The following FRAS1 variants were observed in gnomAD, a reference collection of about 807,000 sequenced individuals.
The protein encoded by FRAS1 is Fraser extracellular matrix complex subunit 1.
In FRAS1, 290 loss-of-function variants were observed where a neutral mutation model predicts 435.2. The observed-to-expected ratio is 0.67, with a 90% CI of 0.61 to 0.73. FRAS1 has a LOEUF of 0.73. FRAS1 is among the 30% of genes least tolerant of loss of function. FRAS1 has a pLI of 0.00. For synonymous variants in FRAS1, 1,800 were observed against 1,851.0 expected (o/e 0.97, Z 0.71); for missense variants, 4,860 against 5,001.5 (o/e 0.97, Z 0.85).
At chr4:78,371,349 A>G (rs943368950) in intron 23 of FRAS1, among the ~76,000 whole-genome samples, 1 of 152,174 alleles carries the variant, frequency 6.6e-6, no homozygotes. Flanking sequence ...CAAGGAAGAG[A>G]AAAGGTAACT....
At chr4:78,341,490 C>T (rs448353) in intron 20 of FRAS1, among the ~76,000 whole-genome samples, 26,974 of 152,110 alleles carry the variant, frequency 0.18, 3,263 homozygotes, top group African/African-American at 0.35. Flanking sequence ...GAGAAATCCT[C>T]TAATGAGAAC....
intron 3 of FRAS1, among the ~76,000 whole-genome samples, chr4:78,242,502 C>T (rs1725047061): frequency 6.6e-6 from 1 of 152,212 alleles, no homozygotes; most frequent in African/African-American, 2.4e-5. Flanking sequence ...GTGGTGTGAT[C>T]TCTGCTCACT....
rs774103279 is a variant in FRAS1 at position 78,508,931 on chromosome 4, C to G, written c.9705C>G (p.Pro3235=). ...AGTTCAGCTGGGAAGTGGCTGCCCC[C>G]ACTGATGGCAATGGGGCCCGGTCTC... The part of the protein sequence containing the change: ...SVQFSWEVAA[P]TDGNGARSPF... Residue 3235 remains proline (P), a synonymous_variant, in exon 63 of 74, where the codon CCC becomes CCG. Coordinates refer to ENST00000512123, the MANE Select transcript of FRAS1 (RefSeq NM_025074.7). 3 of 1,613,944 alleles carry G rather than the reference C, an allele frequency of 1.9e-6. No individual in the cohort carries two copies. Among genetic ancestry groups the G allele is most frequent in the Non-Finnish European group, 2.5e-6 (3 of 1,179,876 alleles).
Position 78,400,901 on chromosome 4 carries a change from C to A in FRAS1, c.4129+14C>A. 6.2e-7 allele frequency: 1 copy of A among 1,612,744 alleles called. No individual in the cohort carries two copies. The highest frequency in any genetic ancestry group is 8.5e-7 in the Non-Finnish European group (1 of 1,179,306). On this transcript the variant is annotated intron_variant, in intron 30 of 73. Coordinates refer to ENST00000512123, the MANE Select transcript of FRAS1 (RefSeq NM_025074.7). ...ACCCCCAGTTTGGTAACTATTTTTT[C>A]CTTTGGCGTGGTTTCATCGTTGCAT... is the stretch of plus-strand genomic sequence containing the variant.
At chr4:78,096,808 G>A (rs1015062271) in intron 2 of FRAS1, among the ~76,000 whole-genome samples, 2 of 152,222 alleles carry the variant, frequency 1.3e-5, no homozygotes, top group Admixed American at 6.5e-5. Context: ...GTGATGGAAG[G>A]GGCTGCTGTG....
chr4:78,361,496 A>G (rs577112182), intron 20 of FRAS1, among the ~76,000 whole-genome samples: 2 of 152,332 alleles, frequency 1.3e-5, no homozygotes, highest in South Asian at 4.1e-4. Flanking sequence ...AACAATCAGC[A>G]TTTTTGAGGC....
At chr4:78,344,412 C>T (rs575823624) in intron 20 of FRAS1, among the ~76,000 whole-genome samples, 2 of 151,860 alleles carry the variant, frequency 1.3e-5, no homozygotes, top group East Asian at 3.9e-4. Context: ...GGTTAAGTAC[C>T]GACTCCAAAT....
chr4:78,182,657 C>T (rs1284950765), intron 2 of FRAS1, among the ~76,000 whole-genome samples: 1 of 151,962 alleles, frequency 6.6e-6, no homozygotes, highest in Non-Finnish European at 1.5e-5. Flanking sequence ...GCAGGCGGAT[C>T]ATTTGAGGTT....
At chr4:78,269,592 G>A (rs1051963140) in intron 9 of FRAS1, among the ~76,000 whole-genome samples, 2 of 152,224 alleles carry the variant, frequency 1.3e-5, no homozygotes, top group South Asian at 2.1e-4. Flanking sequence ...GTTCTGAATA[G>A]CATTAAAATC....
chr4:78,344,463 A>AGAATGTGATTCCAGACTCTG (rs1730521384), intron 20 of FRAS1, among the ~76,000 whole-genome samples: 7 of 150,264 alleles, frequency 4.7e-5, no homozygotes, highest in Non-Finnish European at 8.8e-5. Context: ...TTGAACCCAG[A>AGAATGTGATTCCAGACTCTG]GAATGTGATT....
intron 70 of FRAS1, among the ~76,000 whole-genome samples, chr4:78,530,229 C>T (rs1298461545): frequency 2.0e-5 from 3 of 151,618 alleles, no homozygotes; most frequent in African/African-American, 7.3e-5. Flanking sequence ...GAGAGAGGAA[C>T]GACGGTTTGA....
chr4:78,363,636 G>A lies in FRAS1; in HGVS notation c.2546G>A (p.Gly849Glu), dbSNP rs762828599. The change falls in exon 21 of 74, where the codon GGA (glycine) becomes GAA (glutamate). Residue 849 changes from glycine (G) to glutamate (E), a missense_variant. Gly to Glu is a moderately conservative substitution (Grantham distance 98). Transcript: ENST00000512123. ...CACTGTGTTCCTGACTGCCCTTCAG[G>A]ATACTATGCAGAGAGAGGAGCTTGT... ...GDHCVPDCPSGYYAERGACKK... is the reference protein window; with the variant it reads ...GDHCVPDCPSEYYAERGACKK... The A allele has an allele frequency of 1.3e-6, 2 of 1,599,958 alleles. No homozygotes were observed. The highest frequency in any genetic ancestry group is 1.7e-5 in the Admixed American group (1 of 57,848).
rs1198765940 is a variant in FRAS1 at position 78,432,358 on chromosome 4, T to A, written c.4971T>A (p.Gly1657=). 1 of 1,591,668 alleles carries A rather than the reference T, an allele frequency of 6.3e-7. No individual in the cohort carries two copies. Among genetic ancestry groups the A allele is most frequent in the East Asian group, 2.2e-5 (1 of 44,500 alleles). ...TGCAATTTGTTTTATTCTTGGAAGG[T>A]GACACTTTCACCTATGAGGATGTTG... ...TAEFRRPMAT[G]DTFTYEDVEK... is the part of the protein sequence containing the mutation. The change falls in exon 38 of 74, where the codon GGT becomes GGA. Residue 1657 remains glycine, a splice_region_variant and synonymous_variant. Coordinates refer to ENST00000512123, the MANE Select transcript of FRAS1 (RefSeq NM_025074.7).
chr4:78,103,696 C>T (rs1205015068), intron 2 of FRAS1, among the ~76,000 whole-genome samples: 2 of 152,090 alleles, frequency 1.3e-5, no homozygotes, highest in Non-Finnish European at 2.9e-5. Flanking sequence ...ACCCAGCCAA[C>T]CCCTTTCACC....
chr4:78,126,198 C>T (rs1719347564), intron 2 of FRAS1, among the ~76,000 whole-genome samples: 1 of 152,150 alleles, frequency 6.6e-6, no homozygotes, highest in African/African-American at 2.4e-5. Context: ...AGCATGGGAC[C>T]CACCGAGCCA....
rs1427033607 is a variant in FRAS1, at chr4:78,317,422, C to G, written c.1874C>G (p.Ala625Gly). 1.2e-6 allele frequency: 2 copies of G among 1,613,958 alleles called. No homozygotes were observed. Residue 625 changes from alanine (A) to glycine (G), a missense_variant, in exon 17 of 74, where the codon GCC (alanine) becomes GGC (glycine). Physicochemically the swap from Ala to Gly is moderately conservative, Grantham distance 60. Coordinates refer to ENST00000512123, the MANE Select transcript of FRAS1 (RefSeq NM_025074.7). ...GGGCCCACACCCTCTCACTGTACAG[C>G]CTGCAGCCCCCCCAAGGCTCTGCGT... Reference protein sequence around the residue: ...CSGPTPSHCTACSPPKALRQG... With the variant: ...CSGPTPSHCTGCSPPKALRQG...
chr4:78,225,065 C>G (rs1018638237), intron 2 of FRAS1, among the ~76,000 whole-genome samples: 4 of 152,040 alleles, frequency 2.6e-5, no homozygotes, highest in Non-Finnish European at 5.9e-5. Flanking sequence ...CTCTGAGAAA[C>G]AGGTCATATA....
chr4:78,311,912 A>G (rs1402457453), intron 15 of FRAS1, among the ~76,000 whole-genome samples: 2 of 151,872 alleles, frequency 1.3e-5, no homozygotes, highest in Non-Finnish European at 2.9e-5. Context: ...GCCTCCTTTT[A>G]TGGAGTTCAT....
chr4:78,302,427 C>G (rs1180100716), intron 14 of FRAS1, among the ~76,000 whole-genome samples: 1 of 152,012 alleles, frequency 6.6e-6, no homozygotes, highest in Non-Finnish European at 1.5e-5. Context: ...TGAGGAATCG[C>G]CACACTGACT....
Sources: gnomAD v4.1 joint callset for allele counts (sites outside exome capture counted in the v4.1 genomes callset) on GRCh38, gnomAD v4.1.1 for gene constraint, MANE v1.5 for transcripts, NCBI Gene and HGNC (gene_info 2026-07-23, HGNC 2026-07-21) for gene names.